The following YJU2B variants were observed in gnomAD, a reference collection of about 807,000 sequenced individuals.
The protein encoded by YJU2B is YJU2 splicing factor homolog B.
In YJU2B, 18 loss-of-function variants were observed where a neutral mutation model predicts 38.0. The ratio of observed to expected loss-of-function variants is 0.47; its 90% CI spans 0.33 to 0.70. The LOEUF (loss-of-function observed/expected upper bound fraction) is 0.70, where lower values mean the gene tolerates loss of function less well. Ranked by LOEUF, YJU2B falls within the 30% of genes least tolerant of loss-of-function variation. The pLI is 0.02. For missense variants in YJU2B, 538 were observed against 556.3 expected (o/e 0.97, Z 0.33); for synonymous variants, 246 against 225.4 (o/e 1.09, Z -0.82).
At chr19:13,742,103 G>GC (rs35928611) in intron 2 of YJU2B, among the ~76,000 whole-genome samples, 93,472 of 151,712 alleles carry the variant, frequency 0.62, 29,138 homozygotes, top group Middle Eastern at 0.72. Flanking sequence ...ATGAAGTTCT[G>GC]CCCTCACCTT....
At chr19:13,759,579 ACC>A (rs3059652) in intron 8 of YJU2B, 114,424 of 220,246 alleles carry the variant, frequency 0.52, 32,513 homozygotes, top group African/African-American at 0.74. Context: ...GTGAGACACC[ACC>A]CCCCCCCTCC....
chr19:13,759,814 T>TTTG (rs1973820620), intron 8 of YJU2B, among the ~76,000 whole-genome samples: 1 of 149,670 alleles, frequency 6.7e-6, no homozygotes, highest in Non-Finnish European at 1.5e-5. Flanking sequence ...TTTTTTTTTT[T>TTTG]GAGACTGAGT....
intron 8 of YJU2B, among the ~76,000 whole-genome samples, chr19:13,760,022 C>T (rs1973828759): frequency 6.6e-6 from 1 of 152,090 alleles, no homozygotes; most frequent in Non-Finnish European, 1.5e-5. Context: ...AAACTCCCAT[C>T]CTCAGGTTAT....
chr19:13,745,139 G>A (rs1052398032), upstream of YJU2B, among the ~76,000 whole-genome samples: 4 of 152,142 alleles, frequency 2.6e-5, no homozygotes, highest in African/African-American at 9.7e-5. Flanking sequence ...CTAACTGTGC[G>A]ACTTAACCTC....
At chr19:13,740,348 A>C (rs1973060106) in intron 2 of YJU2B, among the ~76,000 whole-genome samples, 1 of 151,848 alleles carries the variant, frequency 6.6e-6, no homozygotes, top group Admixed American at 6.6e-5. Context: ...AGTAGCTTGG[A>C]CTACAGGCAC....
chr19:13,743,857 C>CT (rs1206764343), upstream of YJU2B, among the ~76,000 whole-genome samples: 1 of 116,610 alleles, frequency 8.6e-6, no homozygotes, highest in African/African-American at 3.5e-5. Context: ...CACGCCACTG[C>CT]ACTCCAGCCT....
chr19:13,760,208 G>A lies in YJU2B; in HGVS notation c.573+936G>A, dbSNP rs565924969. ...CAAAGTGCTGGGATTACAGGCGTGA[G>A]CCACCGAGACCAGCCAAAATAAACA... On this transcript the variant is annotated intron_variant, in intron 8 of 9. Transcript: ENST00000221554. Among the ~76,000 whole-genome samples the A allele has an allele frequency of 2.0e-5, 3 of 150,040 alleles. 1 individual carries two copies. Among genetic ancestry groups the A allele is most frequent in the African/African-American group, 7.3e-5 (3 of 41,026 alleles).
intron 4 of YJU2B, 56 bp downstream of exon 4, chr19:13,756,335 A>C (rs1973668247): frequency 5.5e-6 from 8 of 1,453,146 alleles, no homozygotes; most frequent in Non-Finnish European, 7.7e-6. Flanking sequence ...CTTCAGTCTC[A>C]AGGAGAGTTC....
chr19:13,748,929 T>C (rs1019038391), intron 1 of YJU2B, among the ~76,000 whole-genome samples: 2 of 152,208 alleles, frequency 1.3e-5, no homozygotes, highest in Non-Finnish European at 2.9e-5. Context: ...ACAGTTTATA[T>C]CCGGGACTTT....
At position 13,762,610 on chromosome 19, in the gene YJU2B, C is replaced by G. The variant is rs1222466089; in HGVS notation, c.733C>G (p.Leu245Val). 1 of 1,527,966 alleles carries G rather than the reference C, an allele frequency of 6.5e-7. No homozygotes were observed. Among genetic ancestry groups the G allele is most frequent in the Non-Finnish European group, 8.7e-7 (1 of 1,145,726 alleles). 94.7% of individuals were successfully genotyped at this position (1,527,966 alleles called of 1,614,324 possible). The part of the protein sequence containing the change: ...TLDSYEDKQK[L>V]KRTEIISRSW... ...TCTAGCCTACGAGGACAAGCAGAAA[C>G]TCAAGCGGACCGAGATCATCAGCCG... The change falls in exon 10 of 10, where the codon CTC becomes GTC. Residue 245 changes from leucine (L) to valine (V), a missense_variant. Coordinates refer to ENST00000221554, the MANE Select transcript of YJU2B (RefSeq NM_030818.4).
Position 13,751,636 on chromosome 19 carries a change from C to T in YJU2B, c.-173C>T. Reference sequence around the variant, plus strand: ...CGCCGCTTTTTGGATGCCTCCTATGCCTGGCGGGAGTCTTGTCTGAGCTGG... The same window carrying T: ...CGCCGCTTTTTGGATGCCTCCTATGTCTGGCGGGAGTCTTGTCTGAGCTGG... On this transcript the variant is annotated 5_prime_UTR_variant, in exon 2 of 10. Coordinates refer to ENST00000221554, the MANE Select transcript of YJU2B (RefSeq NM_030818.4). 9.3e-6 allele frequency: 6 copies of T among 645,130 alleles called. No homozygotes were observed. Among genetic ancestry groups the T allele is most frequent in the Non-Finnish European group, 1.7e-5 (6 of 355,292 alleles). 40.0% of individuals were successfully genotyped at this position (645,130 alleles called of 1,614,324 possible). A position where few individuals can be genotyped will look rare whatever the true frequency, so the allele number is the denominator to read the frequency against.
At chr19:13,756,713 G>A (rs1216850112) in intron 4 of YJU2B, among the ~76,000 whole-genome samples, 2 of 152,102 alleles carry the variant, frequency 1.3e-5, no homozygotes, top group East Asian at 3.9e-4. Flanking sequence ...AGTGGGTCAC[G>A]CCTGTAAACC....
chr19:13,757,834 C>A lies in YJU2B; in HGVS notation c.245C>A (p.Thr82Asn), dbSNP rs748062922. ...AAGAAGGTGGGCAATTACTACACAA[C>A]CCCGATCTACAGGTAAGGGCGGCTT... ...EKKKVGNYYT[T>N]PIYRFRMKCH... Residue 82 changes from threonine (T) to asparagine (N), a missense_variant, in exon 6 of 10, where the codon ACC (threonine) becomes AAC (asparagine). By Grantham distance (65) the Thr-to-Asn change is moderately conservative. Around this residue, in one of 2 missense-constraint regions of YJU2B, gnomAD observed 488 missense variants for 469.5 expected, o/e 1.04. Coordinates refer to ENST00000221554, the MANE Select transcript of YJU2B (RefSeq NM_030818.4). 1.2e-6 allele frequency: 2 copies of A among 1,613,978 alleles called. No individual in the cohort carries two copies. Among genetic ancestry groups the A allele is most frequent in the African/African-American group, 1.3e-5 (1 of 75,034 alleles).
At chr19:13,736,295 G>A (rs1972946353) in intron 2 of YJU2B, among the ~76,000 whole-genome samples, 1 of 118,448 alleles carries the variant, frequency 8.4e-6, no homozygotes, top group Non-Finnish European at 1.6e-5. Flanking sequence ...GTTTGACTCT[G>A]TCGCTCAGGC....
chr19:13,750,857 CAAAAAAA>C (rs908775840), intron 1 of YJU2B, among the ~76,000 whole-genome samples: 11 of 62,018 alleles, frequency 1.8e-4, no homozygotes, highest in African/African-American at 5.7e-4. Context: ...GACTCCGTCT[CAAAAAAA>C]AAAAAAAAAA....
chr19:13,745,599 C>G (rs532362911), upstream of YJU2B, among the ~76,000 whole-genome samples: 90 of 151,038 alleles, frequency 6.0e-4, 1 homozygote, highest in African/African-American at 2.0e-3. Flanking sequence ...TGCGGTGAGC[C>G]AAGATTGTGC....
upstream of YJU2B, among the ~76,000 whole-genome samples, chr19:13,743,685 G>T (rs1256306112): frequency 6.9e-6 from 1 of 145,472 alleles, no homozygotes; most frequent in Non-Finnish European, 1.5e-5. Context: ...CTGAGGTCAG[G>T]AGTTCGAGAC....
chr19:13,733,073 G>A (rs1238194021), intron 2 of YJU2B, among the ~76,000 whole-genome samples: 1 of 151,712 alleles, frequency 6.6e-6, no homozygotes, highest in East Asian at 2.0e-4. Context: ...GGGACTACAG[G>A]TGCCCGCCAC....
intron 5 of YJU2B, 63 bp from the exon 6 acceptor site, chr19:13,757,722 AT>A: frequency 6.6e-7 from 1 of 1,521,838 alleles, no homozygotes. Flanking sequence ...TTTGTACCTC[AT>A]TTTACCCATC....
Sources: gnomAD v4.1 joint callset for allele counts (sites outside exome capture counted in the v4.1 genomes callset) on GRCh38, gnomAD v4.1.1 for gene constraint, gnomAD v4.1.1 regional missense constraint, MANE v1.5 for transcripts, NCBI Gene and HGNC (gene_info 2026-07-23, HGNC 2026-07-21) for gene names.